The following CTNS variants were observed in gnomAD, a reference collection of about 807,000 sequenced individuals.
CTNS encodes cystinosin.
A neutral mutation model predicts 43.7 loss-of-function variants in CTNS; 27 were observed. The observed-to-expected ratio is 0.62, with a 90% CI of 0.46 to 0.85. CTNS has a LOEUF of 0.85. Among genes scored for constraint, CTNS ranks in the 40% least tolerant of loss-of-function variants. The probability of loss-of-function intolerance (pLI) is 0.00; values close to 1 mark genes in which losing one functional copy is unlikely to be tolerated. For synonymous variants in CTNS, 187 were observed against 190.6 expected (o/e 0.98, Z 0.16); for missense variants, 457 against 475.4 (o/e 0.96, Z 0.36).
rs3039676 is a variant in CTNS at position 3,639,667 on chromosome 17, C to CA, written c.-19-508dup. Among the ~76,000 whole-genome samples the CA allele has an allele frequency of 6.3e-3, 887 of 141,114 alleles. 11 individuals carry two copies. The highest frequency in any genetic ancestry group is 0.028 in the South Asian group (119 of 4,298). 92.6% of individuals were successfully genotyped at this position (141,114 alleles called of 152,430 possible). On this transcript the variant is annotated intron_variant, in intron 2 of 11. Transcript: ENST00000046640. ...TGGGCAACAGAGCAAGACTCTGTCTCAAAAAAAAAAAAATTTAAATATGTA... is the reference window on the plus strand; with the variant it reads ...TGGGCAACAGAGCAAGACTCTGTCTCAAAAAAAAAAAAAATTTAAATATGTA...
chr17:3,654,418 A>C (rs2076070109), intron 5 of CTNS, among the ~76,000 whole-genome samples: 3 of 152,142 alleles, frequency 2.0e-5, no homozygotes, highest in Admixed American at 2.0e-4. Flanking sequence ...TCATGCCTGT[A>C]ATCCCAGCAC....
chr17:3,659,143 T>C (rs1253333718), intron 10 of CTNS, among the ~76,000 whole-genome samples: 1 of 151,916 alleles, frequency 6.6e-6, no homozygotes, highest in East Asian at 1.9e-4. Flanking sequence ...AGACAGGGAC[T>C]GACTAGAGGC....
rs2075906956 is a variant in CTNS, at chr17:3,648,847, G to A, written c.141G>A (p.Arg47=). 6.2e-7 allele frequency: 1 copy of A among 1,612,574 alleles called. No homozygotes were observed. Among genetic ancestry groups the A allele is most frequent in the South Asian group, 1.1e-5 (1 of 91,060 alleles). The change falls in exon 5 of 12, where the codon CGG becomes CGA. Residue 47 remains arginine (R), a splice_region_variant and synonymous_variant. Transcript: ENST00000046640. The part of the protein sequence containing the change: ...GSSTNVSLTL[R]PPLNATLVIT... The stretch of plus-strand genomic sequence containing the variant: ...GTAATTAGACTCTTGTCCTCCACAG[G>A]CCACCATTAAATGCAACCCTGGTGA...
intron 7 of CTNS, chr17:3,655,733 A>AG (rs1173973615): frequency 6.6e-4 from 217 of 329,328 alleles, no homozygotes; most frequent in African/African-American, 4.5e-3. Flanking sequence ...TCCCACCTTG[A>AG]CTTGCAAAGA....
chr17:3,643,424 A>G (rs551294553), intron 3 of CTNS, among the ~76,000 whole-genome samples: 194 of 152,158 alleles, frequency 1.3e-3, no homozygotes, highest in African/African-American at 4.5e-3. Flanking sequence ...AGAGAGGCCT[A>G]TAAGAATTAA....
intron 2 of CTNS, among the ~76,000 whole-genome samples, chr17:3,638,572 CCT>C (rs2075598651): frequency 6.6e-6 from 1 of 152,164 alleles, no homozygotes; most frequent in Non-Finnish European, 1.5e-5. Context: ...AATTGACTTA[CCT>C]CTCAATGTCG....
intron 9 of CTNS, chr17:3,657,797 C>A (rs1597658176): frequency 3.3e-6 from 2 of 609,938 alleles, no homozygotes; most frequent in East Asian, 2.8e-5. Flanking sequence ...CTGGGGATGT[C>A]CAGCACCAGC....
At chr17:3,654,977 G>A (rs1203548650) in intron 5 of CTNS, 21 bp from the exon 6 acceptor site, 3 of 1,569,810 alleles carry the variant, frequency 1.9e-6, no homozygotes, top group Non-Finnish European at 2.6e-6. Flanking sequence ...GCATCGGATT[G>A]AACCTCAGTC....
chr17:3,647,333 G>A (rs956246985), intron 3 of CTNS, 111 bp from the exon 4 acceptor site: 9 of 903,358 alleles, frequency 1.0e-5, no homozygotes, highest in South Asian at 2.7e-5. Flanking sequence ...AATAGGGCTC[G>A]TCAGAGAGTC....
intron 2 of CTNS, among the ~76,000 whole-genome samples, chr17:3,638,262 AGTTTC>A (rs2075590306): frequency 6.8e-6 from 1 of 147,350 alleles, no homozygotes. Flanking sequence ...TTTGAGACGG[AGTTTC>A]ACTCTTATCA....
At chr17:3,645,960 G>C (rs1026914410) in intron 3 of CTNS, among the ~76,000 whole-genome samples, 6 of 114,138 alleles carry the variant, frequency 5.3e-5, no homozygotes, top group African/African-American at 1.8e-4. Context: ...GGGTCTGGGT[G>C]GGGGGAACTG....
At chr17:3,655,122 G>A (rs758912761) in intron 6 of CTNS, 21 bp downstream of exon 6, 1 of 1,613,634 alleles carries the variant, frequency 6.2e-7, no homozygotes, top group Non-Finnish European at 8.5e-7. Flanking sequence ...CTCAGGGTGT[G>A]CGGGCCTCAC....
In CTNS at chr17:3,655,167, G is replaced by T. The variant is rs1304056715; in HGVS notation, c.330-54G>T. On this transcript the variant is annotated intron_variant, in intron 6 of 11. Coordinates refer to ENST00000046640, the MANE Select transcript of CTNS (RefSeq NM_004937.3). ...AGGGGGCCGTGCTGGGCACGTGGGA[G>T]TCTCCTTCAGAAGCCCAGCCTCAGC... 4.8e-5 allele frequency: 77 copies of T among 1,613,952 alleles called. 1 individual carries two copies. In the Admixed American group the frequency reaches 1.0e-3, roughly 21 times the overall value.
chr17:3,659,493 A>AC (rs1293705601), intron 10 of CTNS, among the ~76,000 whole-genome samples: 32 of 152,234 alleles, frequency 2.1e-4, no homozygotes, highest in African/African-American at 7.7e-4. Context: ...GAGTTTGGGG[A>AC]CAGCCTTGCC....
At position 3,661,247 on chromosome 17, in the gene CTNS, C is replaced by T; in HGVS notation, c.*878C>T. On this transcript the variant is annotated 3_prime_UTR_variant, in exon 12 of 12. Coordinates refer to ENST00000046640, the MANE Select transcript of CTNS (RefSeq NM_004937.3). The stretch of plus-strand genomic sequence containing the variant: ...CCAGCTCCCCTGGAGCGAGGGCAGG[C>T]CCCTTCCCTCTCTTTCCCCAGACAC... 5.1e-6 allele frequency: 1 copy of T among 194,858 alleles called. No individual in the cohort carries two copies. Among genetic ancestry groups the T allele is most frequent in the Non-Finnish European group, 1.1e-5 (1 of 92,620 alleles). 12.1% of individuals were successfully genotyped at this position (194,858 alleles called of 1,614,324 possible). A position where few individuals can be genotyped will look rare whatever the true frequency, so the allele number is the denominator to read the frequency against.
At chr17:3,637,844 A>C (rs1234692498) in intron 2 of CTNS, among the ~76,000 whole-genome samples, 1 of 149,812 alleles carries the variant, frequency 6.7e-6, no homozygotes, top group Non-Finnish European at 1.5e-5. Context: ...GGTAGTTACC[A>C]CCTCCTTGTT....
At chr17:3,646,386 T>G (rs2075844704) in intron 3 of CTNS, among the ~76,000 whole-genome samples, 1 of 151,494 alleles carries the variant, frequency 6.6e-6, no homozygotes, top group Admixed American at 6.6e-5. Flanking sequence ...CCTTCCAGGT[T>G]CAAGCAGTTC....
In CTNS at chr17:3,637,189, C is replaced by G. The variant is rs1049455294; in HGVS notation, c.-147C>G. 6.6e-6 allele frequency: 1 copy of G among 152,250 alleles called. No homozygotes were observed. The highest frequency in any genetic ancestry group is 1.9e-4 in the East Asian group (1 of 5,202). The allele number at this position is 152,250 out of a possible 1,614,324, so 9.4% of individuals were successfully genotyped here. A position where few individuals can be genotyped will look rare whatever the true frequency, so the allele number is the denominator to read the frequency against. On this transcript the variant is annotated 5_prime_UTR_variant, in exon 2 of 12. Coordinates refer to ENST00000046640, the MANE Select transcript of CTNS (RefSeq NM_004937.3). ...CGGGGCTCCGGGGGACTGAGCAGCACGAGACCCCATCCTCCCCTCCGGGTT... is the reference window on the plus strand; with the variant it reads ...CGGGGCTCCGGGGGACTGAGCAGCAGGAGACCCCATCCTCCCCTCCGGGTT...
intron 10 of CTNS, among the ~76,000 whole-genome samples, chr17:3,659,330 G>T (rs112772085): frequency 0.03 from 4,610 of 152,298 alleles, 86 homozygotes; most frequent in Middle Eastern, 0.085. Context: ...CCCCGGCCAG[G>T]CCTGTGGGGG....
Sources: allele counts gnomAD v4.1 joint callset (sites outside exome capture counted in the v4.1 genomes callset), GRCh38; gene constraint gnomAD v4.1.1; transcripts MANE v1.5; gene names NCBI Gene and HGNC (gene_info 2026-07-23, HGNC 2026-07-21).